TDRD5: variants seen among roughly 807,000 people sequenced by gnomAD.
TDRD5 encodes the protein tudor domain-containing protein 5.
Under a neutral mutation model 120.6 loss-of-function variants are expected in TDRD5, and 41 were observed. That is an observed-to-expected ratio of 0.34 (90% CI 0.26 to 0.44). TDRD5 has a LOEUF of 0.44. TDRD5 is among the 20% of genes least tolerant of loss of function. The pLI is 1.00. For missense variants in TDRD5, 1,006 were observed against 1,221.2 expected (o/e 0.82, Z 2.63); for synonymous variants, 430 against 433.7 (o/e 0.99, Z 0.11).
chr1:179,648,452 T>TGGGGGG (rs754051680), intron 11 of TDRD5, among the ~76,000 whole-genome samples: 11 of 37,282 alleles, frequency 3.0e-4, no homozygotes, highest in African/African-American at 5.6e-4. Flanking sequence ...TGTTGTGGGG[T>TGGGGGG]GGGGGGGGGG....
At chr1:179,627,134 C>T (rs1677172948) in intron 6 of TDRD5, among the ~76,000 whole-genome samples, 1 of 152,108 alleles carries the variant, frequency 6.6e-6, no homozygotes, top group African/African-American at 2.4e-5. Context: ...AAAACATGAG[C>T]CAAAGATTCT....
At chr1:179,659,550 C>CGT (rs71569263) in intron 14 of TDRD5, among the ~76,000 whole-genome samples, 10,303 of 129,720 alleles carry the variant, frequency 0.079, 420 homozygotes, top group East Asian at 0.16. Flanking sequence ...TTCCAGTTTT[C>CGT]GTGTGTGTGT....
intron 11 of TDRD5, among the ~76,000 whole-genome samples, chr1:179,650,317 C>T (rs1412389012): frequency 6.7e-6 from 1 of 148,370 alleles, no homozygotes; most frequent in East Asian, 2.0e-4. Flanking sequence ...AGGAGAATCG[C>T]TTGAACCTGA....
chr1:179,621,200 G>T, intron 6 of TDRD5, 109 bp downstream of exon 6: 1 of 886,366 alleles, frequency 1.1e-6, no homozygotes, highest in Non-Finnish European at 1.7e-6. Context: ...GCTCTAAAAC[G>T]GAAACATTTT....
At chr1:179,668,894 C>T (rs367991128) in intron 16 of TDRD5, among the ~76,000 whole-genome samples, 1 of 151,886 alleles carries the variant, frequency 6.6e-6, no homozygotes, top group African/African-American at 2.4e-5. Flanking sequence ...AGGCGCCTGC[C>T]ACCACGCCCA....
intron 13 of TDRD5, among the ~76,000 whole-genome samples, chr1:179,652,997 G>A: frequency 6.6e-6 from 1 of 152,152 alleles, no homozygotes; most frequent in African/African-American, 2.4e-5. Flanking sequence ...TCATGTATAT[G>A]CAAATGTTTC....
intron 17 of TDRD5, among the ~76,000 whole-genome samples, chr1:179,680,063 T>C (rs1680340167): frequency 6.6e-6 from 1 of 152,188 alleles, no homozygotes; most frequent in Admixed American, 6.5e-5. Flanking sequence ...AATTTTCTTC[T>C]TGACCTATTG....
At chr1:179,663,767 T>C (rs1214149008) in intron 16 of TDRD5, among the ~76,000 whole-genome samples, 5 of 152,194 alleles carry the variant, frequency 3.3e-5, no homozygotes, top group Non-Finnish European at 7.4e-5. Flanking sequence ...GAAAACATAA[T>C]TACTTATTGC....
At chr1:179,624,659 A>G (rs941042436) in intron 6 of TDRD5, among the ~76,000 whole-genome samples, 26 of 152,190 alleles carry the variant, frequency 1.7e-4, no homozygotes, top group African/African-American at 6.3e-4. Flanking sequence ...TATATCGTCA[A>G]ATTACTTGGA....
intron 7 of TDRD5, 102 bp from the exon 8 acceptor site, chr1:179,634,355 G>C: frequency 8.2e-7 from 1 of 1,217,936 alleles, no homozygotes; most frequent in African/African-American, 1.5e-5. Flanking sequence ...TGTGTTGAAG[G>C]TGCTTAGTAA....
At chr1:179,611,087 T>C (rs957484331) in intron 4 of TDRD5, among the ~76,000 whole-genome samples, 1 of 152,036 alleles carries the variant, frequency 6.6e-6, no homozygotes, top group Non-Finnish European at 1.5e-5. Context: ...TGATGGAGCC[T>C]TGCTCTGTCA....
chr1:179,691,016 G>C lies in TDRD5; in HGVS notation c.*73G>C. 1.3e-6 allele frequency: 2 copies of C among 1,525,736 alleles called. No homozygotes were observed. The highest frequency in any genetic ancestry group is 1.7e-6 in the Non-Finnish European group (2 of 1,143,708). 94.5% of individuals were successfully genotyped at this position (1,525,736 alleles called of 1,614,324 possible). A position where few individuals can be genotyped will look rare whatever the true frequency, so the allele number is the denominator to read the frequency against. On this transcript the variant is annotated 3_prime_UTR_variant, in exon 18 of 18. Transcript: ENST00000444136. ...TGATGAACTCCCAGGCCAAAATGAGGAGTTATTGAAGCAAAATAGTATCTT... is the reference window on the plus strand; with the variant it reads ...TGATGAACTCCCAGGCCAAAATGAGCAGTTATTGAAGCAAAATAGTATCTT...
chr1:179,688,980 T>C (rs1414860428), intron 17 of TDRD5, among the ~76,000 whole-genome samples: 1 of 152,220 alleles, frequency 6.6e-6, no homozygotes, highest in Non-Finnish European at 1.5e-5. Context: ...TTCTTTGCTA[T>C]GGGTTCGAAC....
At chr1:179,602,421 T>A (rs1026666168) in intron 4 of TDRD5, among the ~76,000 whole-genome samples, 1 of 152,172 alleles carries the variant, frequency 6.6e-6, no homozygotes, top group Non-Finnish European at 1.5e-5. Context: ...TTTTTCTTAC[T>A]GATGGGTTTT....
At chr1:179,671,632 G>A (rs1244394452) in intron 17 of TDRD5, among the ~76,000 whole-genome samples, 1 of 152,094 alleles carries the variant, frequency 6.6e-6, no homozygotes, top group Non-Finnish European at 1.5e-5. Flanking sequence ...AACAGGTGGT[G>A]TTTGGTTACT....
intron 3 of TDRD5, among the ~76,000 whole-genome samples, chr1:179,594,150 A>G (rs1461524897): frequency 6.6e-6 from 1 of 152,228 alleles, no homozygotes; most frequent in African/African-American, 2.4e-5. Context: ...TTATTATTTT[A>G]AAAACTACAA....
intron 17 of TDRD5, among the ~76,000 whole-genome samples, chr1:179,679,734 C>T (rs1680325631): frequency 6.6e-6 from 1 of 151,180 alleles, no homozygotes; most frequent in Admixed American, 6.6e-5. Context: ...AGGTTTTTCC[C>T]CCCGATCTAG....
intron 4 of TDRD5, among the ~76,000 whole-genome samples, chr1:179,603,430 A>G (rs919539216): frequency 6.6e-6 from 1 of 152,098 alleles, no homozygotes; most frequent in East Asian, 1.9e-4. Context: ...AGGAGTGGTG[A>G]GAGTGGGCAT....
intron 4 of TDRD5, among the ~76,000 whole-genome samples, chr1:179,602,782 TTATAG>T (rs965222650): frequency 6.6e-6 from 1 of 152,222 alleles, no homozygotes; most frequent in Non-Finnish European, 1.5e-5. Flanking sequence ...GACTATAGCC[TTATAG>T]TATAGTTTGA....
Sources: allele counts gnomAD v4.1 joint callset (sites outside exome capture counted in the v4.1 genomes callset), GRCh38; gene constraint gnomAD v4.1.1; transcripts MANE v1.5; gene names NCBI Gene and HGNC (gene_info 2026-07-23, HGNC 2026-07-21).